Variants in DHRSX observed in about 807,000 individuals in gnomAD.
The protein encoded by DHRSX is polyprenol dehydrogenase.
Under a neutral mutation model 34.0 loss-of-function variants are expected in DHRSX, and 31 were observed. The ratio of observed to expected loss-of-function variants is 0.91; its 90% CI spans 0.69 to 1.23. The LOEUF is 1.23. DHRSX is among the 50% of genes most tolerant of loss of function. The probability of loss-of-function intolerance (pLI) is 0.00; values close to 1 mark genes in which losing one functional copy is unlikely to be tolerated. For missense variants in DHRSX, 414 were observed against 428.1 expected, an observed-to-expected ratio of 0.97 and a Z score of 0.29; for synonymous variants, 201 against 183.8, an observed-to-expected ratio of 1.09 and a Z score of -0.76.
At chrX:2,292,371 A>G (rs1873780934) in intron 3 of DHRSX, among the ~76,000 whole-genome samples, 1 of 152,156 alleles carries the variant, frequency 6.6e-6, no homozygotes, top group African/African-American at 2.4e-5. Context: ...CTCAGGCCAG[A>G]TGACACTTTG....
Position 2,291,575 on chromosome X carries a change from G to T in DHRSX, c.315C>A (p.Ser105=), listed in dbSNP as rs1303079062. ...GCACAAACTGCCGGATGGAAGTCAT[G>T]GAAGCCAAGTCACAGTATAAAAATT... The part of the protein sequence containing the change: ...KVEFLYCDLA[S]MTSIRQFVQK... Residue 105 remains serine (S), a synonymous_variant, in exon 4 of 7, where the codon TCC becomes TCA. Transcript: ENST00000334651. 2 of 1,613,744 alleles carry T rather than the reference G, an allele frequency of 1.2e-6. No homozygotes were observed. Among genetic ancestry groups the T allele is most frequent in the Non-Finnish European group, 1.7e-6 (2 of 1,179,820 alleles).
chrX:2,454,841 G>A (rs1251447063), intron 1 of DHRSX, among the ~76,000 whole-genome samples: 3 of 151,984 alleles, frequency 2.0e-5, no homozygotes, highest in African/African-American at 7.2e-5. Flanking sequence ...GGTTGGGCGT[G>A]GTGGCTCACG....
At chrX:2,396,534 C>T (rs1354531218) in intron 3 of DHRSX, among the ~76,000 whole-genome samples, 2 of 151,678 alleles carry the variant, frequency 1.3e-5, no homozygotes, top group Non-Finnish European at 1.5e-5. Flanking sequence ...CCCGCCACCA[C>T]GCCTGGCTAA....
intron 2 of DHRSX, among the ~76,000 whole-genome samples, chrX:2,423,727 T>C (rs747018664): frequency 6.6e-6 from 1 of 152,136 alleles, no homozygotes; most frequent in African/African-American, 2.4e-5. Flanking sequence ...ATAGACTCTC[T>C]CCCCTCCTCC....
At chrX:2,238,645 G>A (rs1247499113) in intron 6 of DHRSX, among the ~76,000 whole-genome samples, 3 of 150,304 alleles carry the variant, frequency 2.0e-5, no homozygotes, top group Non-Finnish European at 1.5e-5. Flanking sequence ...GTGCAATGGC[G>A]CCATCTCGGC....
chrX:2,488,395 G>C (rs747586768), intron 1 of DHRSX: 4 of 479,058 alleles, frequency 8.3e-6, no homozygotes, highest in Admixed American at 7.7e-5. Flanking sequence ...GGCTGGTCTC[G>C]ATCTCCTGAC....
At chrX:2,478,335 G>A (rs181005281) in intron 1 of DHRSX, among the ~76,000 whole-genome samples, 4 of 152,292 alleles carry the variant, frequency 2.6e-5, no homozygotes, top group African/African-American at 9.6e-5. Flanking sequence ...AGAAGCAAAA[G>A]CAGCTTACAG....
Position 2,330,035 on chromosome X carries a change from C to T in DHRSX, c.287-38432G>A, listed in dbSNP as rs377519762. On this transcript the variant is annotated intron_variant, in intron 3 of 6. Coordinates refer to ENST00000334651, the MANE Select transcript of DHRSX (RefSeq NM_145177.3). ...GCGATTCCAAAAATTTGGATATGGACGTCAATGAGAGTGAATGAGAGAGAA... is the reference window on the plus strand; with the variant it reads ...GCGATTCCAAAAATTTGGATATGGATGTCAATGAGAGTGAATGAGAGAGAA... Among the ~76,000 whole-genome samples, 77 of 118,940 alleles carry T rather than the reference C, an allele frequency of 6.5e-4. 1 individual carries two copies. Among genetic ancestry groups the T allele is most frequent in the East Asian group, 5.6e-4 (2 of 3,554 alleles). 78.0% of individuals were successfully genotyped at this position (118,940 alleles called of 152,430 possible).
chrX:2,226,698 G>GCTGAA (rs2015670457), intron 6 of DHRSX, among the ~76,000 whole-genome samples: 1 of 107,368 alleles, frequency 9.3e-6, no homozygotes, highest in Admixed American at 9.3e-5. Context: ...CTACTCGGGA[G>GCTGAA]GCAGGAGAAT....
chrX:2,423,768 G>A (rs2043810041), intron 2 of DHRSX, among the ~76,000 whole-genome samples: 2 of 152,044 alleles, frequency 1.3e-5, no homozygotes. Flanking sequence ...ATTGGCAGTA[G>A]TGGAATGGGT....
intron 1 of DHRSX, among the ~76,000 whole-genome samples, chrX:2,465,049 G>A (rs1179506122): frequency 1.3e-5 from 2 of 151,424 alleles, no homozygotes; most frequent in African/African-American, 4.9e-5. Context: ...CACCGAAGAC[G>A]TTCCCTAGGC....
intron 6 of DHRSX, among the ~76,000 whole-genome samples, chrX:2,235,740 A>AAAAAAAAAAAAAAAAAG: frequency 1.8e-4 from 1 of 5,588 alleles, no homozygotes; most frequent in Non-Finnish European, 3.7e-4. Context: ...ATCTCAGGGG[A>AAAAAAAAAAAAAAAAAG]AAAAAAAAAA....
intron 2 of DHRSX, among the ~76,000 whole-genome samples, chrX:2,422,776 T>C (rs1409747687): frequency 6.6e-6 from 1 of 151,258 alleles, no homozygotes; most frequent in Non-Finnish European, 1.5e-5. Flanking sequence ...AGACCCAGTA[T>C]CTCCAAAACA....
rs574063941 is a variant in DHRSX at position 2,410,046 on chromosome X, C to T, written c.218-1233G>A. 2.0e-5 allele frequency among the ~76,000 whole-genome samples: 3 copies of T among 152,020 alleles called. No homozygotes were observed. In the South Asian group the frequency reaches 6.2e-4, roughly 32 times the overall value. On this transcript the variant is annotated intron_variant, in intron 2 of 6. Transcript: ENST00000334651. ...ACACCCGGCCTGGTTTCTTTAATGT[C>T]TTAGGAAGTGAACATGCGTTGAACA... is the stretch of plus-strand genomic sequence containing the variant.
chrX:2,377,396 T>C (rs1410886601), intron 3 of DHRSX, among the ~76,000 whole-genome samples: 4 of 151,764 alleles, frequency 2.6e-5, no homozygotes, highest in African/African-American at 9.7e-5. Flanking sequence ...TAGATTCTCA[T>C]AAGAAGCATG....
intron 3 of DHRSX, among the ~76,000 whole-genome samples, chrX:2,382,700 CACCATCACCAT>C (rs2043221563): frequency 6.7e-6 from 1 of 149,688 alleles, no homozygotes; most frequent in Non-Finnish European, 1.5e-5. Flanking sequence ...TCACCATCAT[CACCATCACCAT>C]CATCACCACC....
intron 5 of DHRSX, among the ~76,000 whole-genome samples, chrX:2,246,809 G>A (rs1348953610): frequency 6.6e-6 from 1 of 151,860 alleles, no homozygotes; most frequent in Non-Finnish European, 1.5e-5. Flanking sequence ...TTGACCTAAG[G>A]ATCTGGAGAA....
At chrX:2,284,312 GCATT>G (rs199695269) in intron 4 of DHRSX, among the ~76,000 whole-genome samples, 3,686 of 151,752 alleles carry the variant, frequency 0.024, 116 homozygotes, top group African/African-American at 0.074. Context: ...GAATTCATTT[GCATT>G]CATTCATTCC....
chrX:2,398,670 CTTTTTTT>C (rs34876710), intron 3 of DHRSX, among the ~76,000 whole-genome samples: 4 of 129,998 alleles, frequency 3.1e-5, no homozygotes, highest in South Asian at 2.5e-4. Flanking sequence ...ATGCATATTC[CTTTTTTT>C]TTTTTTTTTT....
Sources: gnomAD v4.1 joint callset for allele counts (sites outside exome capture counted in the v4.1 genomes callset) on GRCh38, gnomAD v4.1.1 for gene constraint, MANE v1.5 for transcripts, NCBI Gene and HGNC (gene_info 2026-07-23, HGNC 2026-07-21) for gene names.